The following IRAG1 variants were observed in gnomAD, a reference collection of about 807,000 sequenced individuals.
IRAG1 encodes the protein IP3R-associated cGMP kinase substrate.
In IRAG1, 62 loss-of-function variants were observed where a neutral mutation model predicts 106.2. The observed-to-expected ratio is 0.58, with a 90% CI of 0.48 to 0.72. The LOEUF is 0.72. Ranked by LOEUF, IRAG1 falls within the 30% of genes least tolerant of loss-of-function variation. The probability of loss-of-function intolerance (pLI) is 0.00; values close to 1 mark genes in which losing one functional copy is unlikely to be tolerated. For missense variants in IRAG1, 1,064 were observed against 1,140.7 expected, an observed-to-expected ratio of 0.93 and a Z score of 0.97; for synonymous variants, 462 against 443.9, an observed-to-expected ratio of 1.04 and a Z score of -0.51.
At chr11:10,590,611 G>GGGAAAATTCTGAGAGGCAGCAGC (rs1315928434) in intron 18 of IRAG1, among the ~76,000 whole-genome samples, 1 of 152,178 alleles carries the variant, frequency 6.6e-6, no homozygotes, top group African/African-American at 2.4e-5. Flanking sequence ...AAGACACAAG[G>GGGAAAATTCTGAGAGGCAGCAGC]GGAAAATTCT....
intron 10 of IRAG1, among the ~76,000 whole-genome samples, chr11:10,613,001 T>C (rs1855094866): frequency 6.6e-6 from 1 of 152,040 alleles, no homozygotes. Flanking sequence ...AGGAGGGTGG[T>C]AGAGATTGAG....
At chr11:10,605,526 G>T (rs946275502) in intron 12 of IRAG1, among the ~76,000 whole-genome samples, 3 of 152,196 alleles carry the variant, frequency 2.0e-5, no homozygotes, top group Admixed American at 2.0e-4. Context: ...CCTCTGGGGT[G>T]GGAACTGTTA....
Position 10,633,968 on chromosome 11 carries a change from C to G in IRAG1, c.329G>C (p.Arg110Thr), listed in dbSNP as rs772411803. 4 of 1,605,246 alleles carry G rather than the reference C, an allele frequency of 2.5e-6. No homozygotes were observed. ...EGETDKNLAN[R>T]VHSPHKRLSH... ...CAATGCAAGGATCAGGCACCTGTAC[C>G]TGTTGGCCAGGTTTTTGTCGGTTTC... The change falls in exon 3 of 21, where the codon AGA (arginine) becomes ACA (threonine). Residue 110 changes from arginine (R) to threonine (T), a missense_variant and splice_region_variant. Physicochemically the swap from Arg to Thr is moderately conservative, Grantham distance 71 (BLOSUM62 -1). Transcript: ENST00000423302.
Position 10,617,382 on chromosome 11 carries a change from T to G in IRAG1, c.1447+6396A>C, listed in dbSNP as rs556445492. On this transcript the variant is annotated intron_variant, in intron 10 of 20. Coordinates refer to ENST00000423302, the MANE Select transcript of IRAG1 (RefSeq NM_130385.4). Reference sequence around the variant, plus strand: ...AAGAGGGAGATTATACTAGATATACTTTTTTGAAATTAAAAGTATTAGAGT... The same window carrying G: ...AAGAGGGAGATTATACTAGATATACGTTTTTGAAATTAAAAGTATTAGAGT... 2.4e-3 allele frequency among the ~76,000 whole-genome samples: 360 copies of G among 152,312 alleles called. 1 individual carries two copies. Among genetic ancestry groups the G allele is most frequent in the South Asian group, 8.1e-3 (39 of 4,822 alleles).
At chr11:10,677,529 C>T in intron 1 of IRAG1, among the ~76,000 whole-genome samples, 1 of 152,152 alleles carries the variant, frequency 6.6e-6, no homozygotes, top group East Asian at 1.9e-4. Context: ...CCCGTCCCCT[C>T]CCCTCAACCA....
At chr11:10,596,510 G>A (rs377535296) in intron 15 of IRAG1, among the ~76,000 whole-genome samples, 1 of 151,872 alleles carries the variant, frequency 6.6e-6, no homozygotes, top group Non-Finnish European at 1.5e-5. Flanking sequence ...TGGAATTCAC[G>A]TATTTTCTGA....
intron 1 of IRAG1, among the ~76,000 whole-genome samples, chr11:10,667,003 A>G (rs532659642): frequency 6.6e-6 from 1 of 152,054 alleles, no homozygotes; most frequent in Non-Finnish European, 1.5e-5. Context: ...CGGCTCAGAC[A>G]CCCCTCTTTC....
intron 15 of IRAG1, among the ~76,000 whole-genome samples, chr11:10,594,931 T>A (rs982756041): frequency 1.8e-4 from 27 of 151,660 alleles, no homozygotes; most frequent in Admixed American, 1.1e-3. Context: ...CAAAAAAAAA[T>A]TTTTTTTTCT....
intron 19 of IRAG1, among the ~76,000 whole-genome samples, chr11:10,581,422 GA>G (rs1851379002): frequency 6.6e-6 from 1 of 152,100 alleles, no homozygotes; most frequent in Non-Finnish European, 1.5e-5. Flanking sequence ...AATGGAGGAG[GA>G]GGCAGTTCGA....
At chr11:10,651,679 C>T (rs1858519426) in intron 2 of IRAG1, among the ~76,000 whole-genome samples, 1 of 152,150 alleles carries the variant, frequency 6.6e-6, no homozygotes, top group Non-Finnish European at 1.5e-5. Context: ...TTCTCGTGCC[C>T]ACTCACCTGA....
intron 18 of IRAG1, among the ~76,000 whole-genome samples, chr11:10,590,930 A>G (rs1591558628): frequency 6.6e-6 from 1 of 152,360 alleles, no homozygotes; most frequent in East Asian, 1.9e-4. Context: ...TTAATCCCAT[A>G]ATGACAATCC....
In IRAG1 at chr11:10,576,002, C is replaced by CT; in HGVS notation, c.*329dup. 3.1e-6 allele frequency: 1 copy of CT among 318,860 alleles called. No individual in the cohort carries two copies. The highest frequency in any genetic ancestry group is 6.0e-6 in the Non-Finnish European group (1 of 166,606). 19.8% of individuals were successfully genotyped at this position (318,860 alleles called of 1,614,324 possible). ...CCTCCTCCTCCCCCGTGCCCCGCTC[C>CT]TTACCCCCAACCACCAGTGAAGGTG... On this transcript the variant is annotated 3_prime_UTR_variant, in exon 21 of 21. Transcript: ENST00000423302.
chr11:10,592,341 T>G (rs10840443), intron 17 of IRAG1, among the ~76,000 whole-genome samples: 51,872 of 152,140 alleles, frequency 0.34, 10,498 homozygotes, highest in East Asian at 0.72. Context: ...ATTTATGCTT[T>G]TAGGCAAAGT....
At chr11:10,687,150 C>T (rs1447659979) in intron 1 of IRAG1, among the ~76,000 whole-genome samples, 1 of 152,162 alleles carries the variant, frequency 6.6e-6, no homozygotes, top group Admixed American at 6.5e-5. Context: ...CATGTGGCAA[C>T]CCCTGCAGCC....
chr11:10,642,514 T>G (rs1447708449), intron 2 of IRAG1, among the ~76,000 whole-genome samples: 1 of 152,158 alleles, frequency 6.6e-6, no homozygotes, highest in Non-Finnish European at 1.5e-5. Flanking sequence ...AGATGGGCGC[T>G]GGCAGACAGC....
intron 8 of IRAG1, 29 bp from the exon 9 acceptor site, chr11:10,626,612 C>T: frequency 1.9e-6 from 3 of 1,560,370 alleles, no homozygotes; most frequent in Non-Finnish European, 2.6e-6. Flanking sequence ...AGCTGGAACC[C>T]TCGGGGGCAG....
At chr11:10,650,244 A>G (rs1858358688) in intron 2 of IRAG1, among the ~76,000 whole-genome samples, 2 of 152,154 alleles carry the variant, frequency 1.3e-5, no homozygotes. Flanking sequence ...TGTCTAAGTG[A>G]CAGGTGTCTA....
rs150562319 is a variant in IRAG1, at chr11:10,601,465, T to C, written c.1876-406A>G. 2.7e-3 allele frequency among the ~76,000 whole-genome samples: 417 copies of C among 152,212 alleles called. 1 individual carries two copies. Among genetic ancestry groups the C allele is most frequent in the African/African-American group, 9.2e-3 (383 of 41,518 alleles). ...GAGGCAGGGAAGCACAGGGCTTATA[T>C]GTAGATGAGGTTTTATCCTCTGAAT... On this transcript the variant is annotated intron_variant, in intron 14 of 20. Coordinates refer to ENST00000423302, the MANE Select transcript of IRAG1 (RefSeq NM_130385.4).
intron 10 of IRAG1, among the ~76,000 whole-genome samples, chr11:10,613,877 T>A (rs1021264085): frequency 6.6e-6 from 1 of 152,058 alleles, no homozygotes; most frequent in African/African-American, 2.4e-5. Context: ...GCTAGCTAAT[T>A]CCTAGAAACA....
Sources: allele counts gnomAD v4.1 joint callset (sites outside exome capture counted in the v4.1 genomes callset), GRCh38; gene constraint gnomAD v4.1.1; transcripts MANE v1.5; gene names NCBI Gene and HGNC (gene_info 2026-07-23, HGNC 2026-07-21).